RORB: variants seen among roughly 807,000 people sequenced by gnomAD.
RORB encodes RAR related orphan receptor B, also known as nuclear receptor ROR-beta.
RORB carries 6 observed loss-of-function variants against 59.1 expected under a neutral mutation model. The observed-to-expected ratio is 0.10, with a 90% confidence interval of 0.06 to 0.20. The LOEUF (loss-of-function observed/expected upper bound fraction) is 0.20, where lower values mean the gene tolerates loss of function less well. Ranked by LOEUF, RORB falls within the 10% of genes least tolerant of loss-of-function variation. RORB has a pLI of 1.00. For missense variants in RORB, 320 were observed against 560.5 expected (o/e 0.57, Z 4.33); for synonymous variants, 215 against 204.5 (o/e 1.05, Z -0.44).
Position 74,497,921 on chromosome 9 carries a change from G to C in RORB, c.-56G>C. On this transcript the variant is annotated 5_prime_UTR_variant, in exon 1 of 10. Coordinates refer to ENST00000376896, the MANE Select transcript of RORB (RefSeq NM_006914.4). ...GCTGAGCGGGATTTTTGGGCTCTCC[G>C]GGGTTCGGGCTGGGAGCAGCTTCAT... The C allele has an allele frequency of 6.2e-7, 1 of 1,604,268 alleles. No individual in the cohort carries two copies. The highest frequency in any genetic ancestry group is 8.5e-7 in the Non-Finnish European group (1 of 1,175,284).
chr9:74,520,766 C>T (rs1826075104), intron 1 of RORB, among the ~76,000 whole-genome samples: 1 of 151,636 alleles, frequency 6.6e-6, no homozygotes, highest in African/African-American at 2.4e-5. Flanking sequence ...TGTGAACCTG[C>T]CTGTGGTTCT....
At chr9:74,513,482 A>G (rs1355354943) in intron 1 of RORB, among the ~76,000 whole-genome samples, 1 of 152,098 alleles carries the variant, frequency 6.6e-6, no homozygotes, top group African/African-American at 2.4e-5. Flanking sequence ...TGTGATTTTT[A>G]TCAATTGTGT....
intron 1 of RORB, among the ~76,000 whole-genome samples, chr9:74,628,160 A>G (rs1474526714): frequency 6.6e-6 from 1 of 152,194 alleles, no homozygotes; most frequent in East Asian, 1.9e-4. Flanking sequence ...GAATAGAATA[A>G]CATCAAATCT....
chr9:74,672,769 G>T (rs1447638814), intron 9 of RORB, among the ~76,000 whole-genome samples: 1 of 152,130 alleles, frequency 6.6e-6, no homozygotes, highest in Non-Finnish European at 1.5e-5. Flanking sequence ...AAGTATCTTT[G>T]ATTTCTTAAG....
intron 5 of RORB, among the ~76,000 whole-genome samples, chr9:74,661,636 CTTTTTTTTTT>C (rs779927558): frequency 2.5e-5 from 2 of 79,590 alleles, no homozygotes; most frequent in African/African-American, 4.8e-5. Flanking sequence ...TTCTTTTTTC[CTTTTTTTTTT>C]TTTTTTTTTT....
intron 4 of RORB, among the ~76,000 whole-genome samples, chr9:74,643,226 C>A (rs1003615697): frequency 1.3e-5 from 2 of 152,150 alleles, no homozygotes; most frequent in Non-Finnish European, 2.9e-5. Flanking sequence ...CCAACTCTTC[C>A]TCTAAGATAA....
chr9:74,638,821 A>C lies in RORB; in HGVS notation c.236-3593A>C, dbSNP rs185817487. Reference sequence around the variant, plus strand: ...AAACACTGGCTCATCAATGTTTCTGAAATAAATGGAAAATTAATTATAGAA... The same window carrying C: ...AAACACTGGCTCATCAATGTTTCTGCAATAAATGGAAAATTAATTATAGAA... On this transcript the variant is annotated intron_variant, in intron 3 of 9. Coordinates refer to ENST00000376896, the MANE Select transcript of RORB (RefSeq NM_006914.4). Among the ~76,000 whole-genome samples the C allele has an allele frequency of 1.9e-3, 283 of 152,352 alleles. 1 individual carries two copies. The highest frequency in any genetic ancestry group is 2.9e-3 in the Admixed American group (44 of 15,300).
intron 1 of RORB, among the ~76,000 whole-genome samples, chr9:74,548,137 A>T (rs1826531675): frequency 6.6e-6 from 1 of 152,168 alleles, no homozygotes; most frequent in East Asian, 1.9e-4. Context: ...AAGAGCAGCC[A>T]GGTCATAACG....
intron 1 of RORB, among the ~76,000 whole-genome samples, chr9:74,563,263 G>A (rs189494531): frequency 3.4e-5 from 5 of 146,214 alleles, no homozygotes; most frequent in Admixed American, 2.1e-4. Context: ...TCGGCTCACT[G>A]CAACTTCCAA....
intron 1 of RORB, among the ~76,000 whole-genome samples, chr9:74,597,615 C>T (rs1394161376): frequency 6.8e-6 from 1 of 146,470 alleles, no homozygotes; most frequent in Non-Finnish European, 1.5e-5. Context: ...AAATGTAAAA[C>T]ACATATTGGA....
intron 9 of RORB, among the ~76,000 whole-genome samples, chr9:74,677,010 AC>A (rs1395021525): frequency 6.6e-6 from 1 of 152,206 alleles, no homozygotes. Flanking sequence ...TGTCATTGCC[AC>A]GTGGGCCACA....
intron 6 of RORB, among the ~76,000 whole-genome samples, chr9:74,663,547 A>G (rs187039856): frequency 4.6e-5 from 7 of 152,228 alleles, no homozygotes; most frequent in African/African-American, 1.7e-4. Flanking sequence ...AACTTGATGT[A>G]CCAGTCATCT....
chr9:74,669,892 T>G (rs1476102873), intron 8 of RORB, among the ~76,000 whole-genome samples: 1 of 152,184 alleles, frequency 6.6e-6, no homozygotes, highest in African/African-American at 2.4e-5. Context: ...GTCTACAGTT[T>G]TTATGTTAGG....
chr9:74,570,419 A>G (rs894178429), intron 1 of RORB, among the ~76,000 whole-genome samples: 5 of 152,138 alleles, frequency 3.3e-5, no homozygotes, highest in Non-Finnish European at 5.9e-5. Flanking sequence ...TCAAGGGAAA[A>G]AGTTGGTCTT....
chr9:74,588,417 A>G (rs1419759113), intron 1 of RORB, among the ~76,000 whole-genome samples: 2 of 152,200 alleles, frequency 1.3e-5, no homozygotes, highest in East Asian at 3.9e-4. Context: ...AGTCAGGTCA[A>G]TGAATTTTGA....
intron 1 of RORB, among the ~76,000 whole-genome samples, chr9:74,613,518 C>T (rs145048283): frequency 0.02 from 3,037 of 152,178 alleles, 31 homozygotes; most frequent in Non-Finnish European, 0.03. Flanking sequence ...CCCTGCTGCC[C>T]GTTAGAATTA....
chr9:74,520,660 T>C (rs888017355), intron 1 of RORB, among the ~76,000 whole-genome samples: 1 of 151,950 alleles, frequency 6.6e-6, no homozygotes, highest in Non-Finnish European at 1.5e-5. Flanking sequence ...AGCAATAATA[T>C]ACAATATTTC....
chr9:74,524,215 G>T (rs1168426790), intron 1 of RORB, among the ~76,000 whole-genome samples: 1 of 151,668 alleles, frequency 6.6e-6, no homozygotes, highest in Non-Finnish European at 1.5e-5. Context: ...GTCCTGGATG[G>T]CAAGTGAAGA....
At chr9:74,522,055 A>G (rs1826092163) in intron 1 of RORB, among the ~76,000 whole-genome samples, 1 of 151,834 alleles carries the variant, frequency 6.6e-6, no homozygotes. Flanking sequence ...ATGAAAATGT[A>G]TTGAGCAGTC....
Sources: gnomAD v4.1 joint callset for allele counts (sites outside exome capture counted in the v4.1 genomes callset) on GRCh38, gnomAD v4.1.1 for gene constraint, MANE v1.5 for transcripts, NCBI Gene and HGNC (gene_info 2026-07-23, HGNC 2026-07-21) for gene names.